ZCCHC14: variants seen among roughly 807,000 people sequenced by gnomAD.
ZCCHC14 encodes zinc finger CCHC domain-containing protein 14.
A neutral mutation model predicts 85.0 loss-of-function variants in ZCCHC14; 16 were observed. That is an observed-to-expected ratio of 0.19 (90% CI 0.13 to 0.29). The LOEUF is 0.29. Ranked by LOEUF, ZCCHC14 falls within the 10% of genes least tolerant of loss-of-function variation. ZCCHC14 has a pLI of 1.00. For missense variants in ZCCHC14, 1,303 were observed against 1,443.5 expected (o/e 0.90, Z 1.58); for synonymous variants, 775 against 630.7 (o/e 1.23, Z -3.43).
intron 1 of ZCCHC14, among the ~76,000 whole-genome samples, chr16:87,462,427 TA>T (rs1316856605): frequency 6.6e-6 from 1 of 152,120 alleles, no homozygotes; most frequent in Non-Finnish European, 1.5e-5. Context: ...CTCAGGAGGT[TA>T]ACACATTAAC....
Position 87,407,750 on chromosome 16 carries a change from TTC to T in ZCCHC14, c.*2528_*2529del, listed in dbSNP as rs1444716179. 1 of 152,298 alleles carries T rather than the reference TTC, an allele frequency of 6.6e-6. No homozygotes were observed. The highest frequency in any genetic ancestry group is 1.5e-5 in the Non-Finnish European group (1 of 68,048). 9.4% of individuals were successfully genotyped at this position (152,298 alleles called of 1,614,324 possible). On this transcript the variant is annotated 3_prime_UTR_variant, in exon 13 of 13. Coordinates refer to ENST00000671377, the MANE Select transcript of ZCCHC14 (RefSeq NM_015144.3). ...CTAAGTACTTGAAAGGGTCAGTATG[TTC>T]TGTGTTTTCAGATGAGGAAGTCTGA... is the stretch of plus-strand genomic sequence containing the variant.
intron 3 of ZCCHC14, among the ~76,000 whole-genome samples, chr16:87,431,994 G>T (rs1212817450): frequency 6.6e-6 from 1 of 152,186 alleles, no homozygotes; most frequent in Non-Finnish European, 1.5e-5. Context: ...AACGCACAGC[G>T]TAACAACTGC....
intron 3 of ZCCHC14, among the ~76,000 whole-genome samples, chr16:87,425,392 C>T (rs1252228327): frequency 6.6e-6 from 1 of 152,016 alleles, no homozygotes; most frequent in Non-Finnish European, 1.5e-5. Flanking sequence ...GCCTGACCAA[C>T]GTGGAGAAAC....
rs767035455 is a variant in ZCCHC14 at position 87,428,786 on chromosome 16, C to T, written c.768+4342G>A. Among the ~76,000 whole-genome samples the T allele has an allele frequency of 6.6e-5, 10 of 152,338 alleles. 1 individual carries two copies. In the South Asian group the frequency reaches 2.1e-3, roughly 32 times the overall value. ...ATAACTAGACTCATAAACGGACTCA[C>T]TGAGTATAAACTTTTTGGAAGGAGT... On this transcript the variant is annotated intron_variant, in intron 3 of 12. Coordinates refer to ENST00000671377, the MANE Select transcript of ZCCHC14 (RefSeq NM_015144.3).
At position 87,440,463 on chromosome 16, in the gene ZCCHC14, C is replaced by A. The variant is rs542013785; in HGVS notation, c.695-7262G>T. ...TACAGGCATGAGCCACCGTGCCCAG[C>A]TGATTCTAAAGTTTTAGACAGAGAG... is the stretch of plus-strand genomic sequence containing the variant. On this transcript the variant is annotated intron_variant, in intron 2 of 12. Transcript: ENST00000671377. 3.3e-5 allele frequency among the ~76,000 whole-genome samples: 5 copies of A among 152,258 alleles called. No individual in the cohort carries two copies. In the South Asian group the frequency reaches 1.0e-3, roughly 32 times the overall value.
chr16:87,421,931 A>C (rs193181729), intron 4 of ZCCHC14, among the ~76,000 whole-genome samples: 15 of 147,332 alleles, frequency 1.0e-4, no homozygotes, highest in African/African-American at 3.8e-4. Context: ...AAGACATACC[A>C]AAAAAAAAAG....
chr16:87,456,713 T>C (rs1045142411), intron 2 of ZCCHC14, among the ~76,000 whole-genome samples: 2 of 152,034 alleles, frequency 1.3e-5, no homozygotes, highest in African/African-American at 2.4e-5. Context: ...ATGGAAAACA[T>C]TCATTTAAAA....
chr16:87,462,315 C>T (rs1014024400), intron 1 of ZCCHC14, among the ~76,000 whole-genome samples: 3 of 152,178 alleles, frequency 2.0e-5, no homozygotes, highest in Non-Finnish European at 2.9e-5. Context: ...GAAATGAACT[C>T]CTTTCCCACT....
intron 3 of ZCCHC14, among the ~76,000 whole-genome samples, chr16:87,424,561 C>T (rs1476980876): frequency 6.6e-6 from 1 of 152,172 alleles, no homozygotes; most frequent in East Asian, 1.9e-4. Flanking sequence ...CATGGCTCCA[C>T]GGAGGTCCAT....
Position 87,412,152 on chromosome 16 carries a change from T to C in ZCCHC14, c.2569A>G (p.Met857Val), listed in dbSNP as rs1012599877. The C allele has an allele frequency of 2.2e-5, 35 of 1,614,022 alleles. No individual in the cohort carries two copies. The highest frequency in any genetic ancestry group is 2.9e-5 in the Non-Finnish European group (34 of 1,180,030). The part of the protein sequence containing the change: ...SSHPSTSFAN[M>V]ATLPSCPAPS... ...GCTGGGCAGCTGGGCAACGTGGCCATGTTGGCAAAGGACGTGGAGGGGTGG... is the reference window on the plus strand; with the variant it reads ...GCTGGGCAGCTGGGCAACGTGGCCACGTTGGCAAAGGACGTGGAGGGGTGG... The change falls in exon 12 of 13, where the codon ATG becomes GTG. Residue 857 changes from methionine (M) to valine (V), a missense_variant. This residue lies in a region of ZCCHC14 where 797 missense variants were observed against 730.8 expected (regional missense o/e 1.09). Transcript: ENST00000671377.
chr16:87,483,588 T>G (rs1231917492), intron 1 of ZCCHC14, among the ~76,000 whole-genome samples: 1 of 152,204 alleles, frequency 6.6e-6, no homozygotes, highest in Non-Finnish European at 1.5e-5. Flanking sequence ...ATCGTTTACT[T>G]GAAACAATAT....
chr16:87,445,220 C>A (rs902518028), intron 2 of ZCCHC14, among the ~76,000 whole-genome samples: 1 of 152,066 alleles, frequency 6.6e-6, no homozygotes, highest in African/African-American at 2.4e-5. Flanking sequence ...GTGTGCTCTA[C>A]CACGCCCAGC....
chr16:87,413,046 T>C lies in ZCCHC14; in HGVS notation c.1744+9A>G, dbSNP rs759526669. 95 of 1,614,058 alleles carry C rather than the reference T, an allele frequency of 5.9e-5. No individual in the cohort carries two copies. Among genetic ancestry groups the C allele is most frequent in the Admixed American group, 1.7e-5 (1 of 60,010 alleles). ...CCAGGTCGAGCCAGCGCCGCGCACG[T>C]GCCCTTACGTCTGTCATTCTCCTCA... is the stretch of plus-strand genomic sequence containing the variant. On this transcript the variant is annotated intron_variant, in intron 11 of 12. Coordinates refer to ENST00000671377, the MANE Select transcript of ZCCHC14 (RefSeq NM_015144.3).
At chr16:87,479,181 C>T (rs1912156000) in intron 1 of ZCCHC14, among the ~76,000 whole-genome samples, 2 of 152,036 alleles carry the variant, frequency 1.3e-5, no homozygotes, top group Admixed American at 1.3e-4. Flanking sequence ...CCGTGGGAGG[C>T]TGAGGCGGGC....
chr16:87,449,428 A>C (rs1010004677), intron 2 of ZCCHC14, among the ~76,000 whole-genome samples: 2 of 152,036 alleles, frequency 1.3e-5, no homozygotes, highest in African/African-American at 4.8e-5. Context: ...TAGGCCCTCC[A>C]TCCATGATCA....
intron 3 of ZCCHC14, among the ~76,000 whole-genome samples, chr16:87,424,544 G>A (rs140522511): frequency 6.6e-6 from 1 of 152,306 alleles, no homozygotes; most frequent in Non-Finnish European, 1.5e-5. Context: ...AGCGGGCGGT[G>A]TCACTGCATG....
intron 3 of ZCCHC14, among the ~76,000 whole-genome samples, chr16:87,425,949 CA>C (rs1909348903): frequency 6.6e-6 from 1 of 152,246 alleles, no homozygotes; most frequent in African/African-American, 2.4e-5. Flanking sequence ...TTGAAACAGA[CA>C]ATCTGCTTTT....
chr16:87,438,312 T>C (rs370334318), intron 2 of ZCCHC14, among the ~76,000 whole-genome samples: 8 of 152,398 alleles, frequency 5.2e-5, no homozygotes, highest in African/African-American at 1.9e-4. Flanking sequence ...GATATTTTCC[T>C]TTCTATGCAT....
In ZCCHC14 at chr16:87,406,256, T is replaced by A. The variant is rs573107274; in HGVS notation, c.*4024A>T. The A allele has an allele frequency of 5.9e-5, 9 of 152,662 alleles. No individual in the cohort carries two copies. The highest frequency in any genetic ancestry group is 1.9e-4 in the East Asian group (1 of 5,196). The allele number at this position is 152,662 out of a possible 1,614,324, so 9.5% of individuals were successfully genotyped here. Reference sequence around the variant, plus strand: ...CCTAGTGAAATAAAACAGCCTTTTTTAAAATTTTTATTTTCAGTACATTAA... The same window carrying A: ...CCTAGTGAAATAAAACAGCCTTTTTAAAAATTTTTATTTTCAGTACATTAA... On this transcript the variant is annotated 3_prime_UTR_variant, in exon 13 of 13. Coordinates refer to ENST00000671377, the MANE Select transcript of ZCCHC14 (RefSeq NM_015144.3).
Sources: gnomAD v4.1 joint callset for allele counts (sites outside exome capture counted in the v4.1 genomes callset) on GRCh38, gnomAD v4.1.1 for gene constraint, gnomAD v4.1.1 regional missense constraint, MANE v1.5 for transcripts, NCBI Gene and HGNC (gene_info 2026-07-23, HGNC 2026-07-21) for gene names.